The following ADGRL3 variants were observed in gnomAD, a reference collection of about 807,000 sequenced individuals.
ADGRL3 encodes the protein calcium-independent alpha-latrotoxin receptor 3.
A neutral mutation model predicts 153.5 loss-of-function variants in ADGRL3; 62 were observed. That is an observed-to-expected ratio of 0.40 (90% CI 0.33 to 0.50). The LOEUF (loss-of-function observed/expected upper bound fraction) is 0.50. Ranked by LOEUF, ADGRL3 falls within the 20% of genes least tolerant of loss-of-function variation. The pLI, the probability that ADGRL3 is intolerant of heterozygous loss-of-function variation, is 0.47. For synonymous variants in ADGRL3, 710 were observed against 672.5 expected (o/e 1.06, Z -0.86); for missense variants, 1,641 against 1,859.4 (o/e 0.88, Z 2.16).
chr4:61,756,762 T>G (rs2096837016), intron 8 of ADGRL3, among the ~76,000 whole-genome samples: 1 of 152,204 alleles, frequency 6.6e-6, no homozygotes, highest in Admixed American at 6.5e-5. Context: ...GGGTTTGTCA[T>G]AGATAGCTCT....
chr4:61,728,250 A>G lies in ADGRL3; in HGVS notation c.584-2372A>G, dbSNP rs191138669. The stretch of plus-strand genomic sequence containing the variant: ...TCATAATAATTTTCTCCAAAGCACA[A>G]CAGCCTAATAAATCTTCATTTTGAG... On this transcript the variant is annotated intron_variant, in intron 6 of 26. Transcript: ENST00000683033. 1.5e-3 allele frequency among the ~76,000 whole-genome samples: 226 copies of G among 152,192 alleles called. 1 individual carries two copies. The highest frequency in any genetic ancestry group is 5.2e-3 in the African/African-American group (215 of 41,570).
At chr4:61,453,479 A>G (rs952148829) in intron 2 of ADGRL3, among the ~76,000 whole-genome samples, 1 of 152,112 alleles carries the variant, frequency 6.6e-6, no homozygotes, top group South Asian at 2.1e-4. Context: ...CACCTCCTGT[A>G]GATAGCTGGG....
intron 8 of ADGRL3, among the ~76,000 whole-genome samples, chr4:61,791,373 G>T (rs1357221963): frequency 6.6e-6 from 1 of 152,204 alleles, no homozygotes; most frequent in Non-Finnish European, 1.5e-5. Flanking sequence ...AAATCTTAAA[G>T]CTCCAAAATG....
chr4:61,769,850 T>C (rs2152297041), intron 8 of ADGRL3, among the ~76,000 whole-genome samples: 1 of 152,006 alleles, frequency 6.6e-6, no homozygotes, highest in East Asian at 2.0e-4. Context: ...GGTAATGTCA[T>C]CAGTTAAGGC....
At chr4:61,495,991 G>A (rs1157409735) in intron 2 of ADGRL3, among the ~76,000 whole-genome samples, 1 of 152,000 alleles carries the variant, frequency 6.6e-6, no homozygotes, top group East Asian at 1.9e-4. Flanking sequence ...TGAAATTTCG[G>A]GCATAATAAT....
At chr4:61,717,462 TC>T (rs1350281423) in intron 6 of ADGRL3, among the ~76,000 whole-genome samples, 1 of 152,124 alleles carries the variant, frequency 6.6e-6, no homozygotes, top group African/African-American at 2.4e-5. Flanking sequence ...TCTTATAAAT[TC>T]CTAGCTCTAT....
At chr4:61,951,175 C>G (rs2098945795) in intron 17 of ADGRL3, among the ~76,000 whole-genome samples, 1 of 152,102 alleles carries the variant, frequency 6.6e-6, no homozygotes, top group Non-Finnish European at 1.5e-5. Context: ...TCCTACATGT[C>G]TAAATATTTA....
chr4:61,437,919 A>C (rs931277230), intron 2 of ADGRL3, among the ~76,000 whole-genome samples: 1 of 152,152 alleles, frequency 6.6e-6, no homozygotes, highest in Non-Finnish European at 1.5e-5. Context: ...CTGGACATTA[A>C]TGACACTTTT....
intron 4 of ADGRL3, among the ~76,000 whole-genome samples, chr4:61,533,870 T>C (rs917110258): frequency 1.3e-5 from 2 of 152,196 alleles, no homozygotes; most frequent in Non-Finnish European, 1.5e-5. Flanking sequence ...GAAAAAGTGC[T>C]ATATACTAGG....
intron 8 of ADGRL3, among the ~76,000 whole-genome samples, chr4:61,749,916 A>G (rs779512363): frequency 4.6e-5 from 7 of 152,074 alleles, no homozygotes; most frequent in Non-Finnish European, 1.0e-4. Context: ...TGAAAAATGG[A>G]ATTCAGGCAC....
intron 19 of ADGRL3, among the ~76,000 whole-genome samples, chr4:61,995,415 C>T (rs925208462): frequency 6.6e-6 from 1 of 151,916 alleles, no homozygotes; most frequent in African/African-American, 2.4e-5. Flanking sequence ...TATTTGAGTA[C>T]TTAGGATTTC....
intron 5 of ADGRL3, among the ~76,000 whole-genome samples, chr4:61,610,210 G>C (rs901254850): frequency 6.6e-6 from 1 of 151,454 alleles, no homozygotes; most frequent in Non-Finnish European, 1.5e-5. Flanking sequence ...TCTATGACAT[G>C]AACATTTAAT....
At chr4:61,556,365 A>G (rs1373028815) in intron 4 of ADGRL3, among the ~76,000 whole-genome samples, 4 of 152,156 alleles carry the variant, frequency 2.6e-5, no homozygotes, top group Non-Finnish European at 5.9e-5. Context: ...GTGAGACAGG[A>G]GTTTGAGGAA....
chr4:61,443,838 C>T, intron 2 of ADGRL3, among the ~76,000 whole-genome samples: 1 of 152,070 alleles, frequency 6.6e-6, no homozygotes, highest in East Asian at 1.9e-4. Flanking sequence ...AATTCCAATA[C>T]AAATTATGTG....
chr4:62,018,098 G>A (rs1443223557), intron 21 of ADGRL3, among the ~76,000 whole-genome samples: 3 of 152,154 alleles, frequency 2.0e-5, no homozygotes, highest in Admixed American at 6.5e-5. Context: ...GAGCAGTGCT[G>A]CAACATGTAC....
At chr4:61,515,406 A>AT in intron 3 of ADGRL3, among the ~76,000 whole-genome samples, 1 of 150,880 alleles carries the variant, frequency 6.6e-6, no homozygotes, top group Non-Finnish European at 1.5e-5. Flanking sequence ...TACTCTATTT[A>AT]TTTTTTCATA....
chr4:61,936,557 T>C (rs2098839213), intron 15 of ADGRL3, among the ~76,000 whole-genome samples: 1 of 152,090 alleles, frequency 6.6e-6, no homozygotes, highest in Non-Finnish European at 1.5e-5. Flanking sequence ...CTAAATTGAA[T>C]ACACTGAAAA....
intron 21 of ADGRL3, among the ~76,000 whole-genome samples, chr4:62,001,946 A>G (rs2099141911): frequency 6.6e-6 from 1 of 152,116 alleles, no homozygotes; most frequent in Non-Finnish European, 1.5e-5. Flanking sequence ...TCATTCAGTT[A>G]CCAAGTATTT....
At chr4:61,707,530 C>G (rs2095876231) in intron 6 of ADGRL3, among the ~76,000 whole-genome samples, 1 of 151,844 alleles carries the variant, frequency 6.6e-6, no homozygotes, top group African/African-American at 2.4e-5. Flanking sequence ...CTAGTTAGTT[C>G]ATATTATTTT....
Sources: gnomAD v4.1 joint callset for allele counts (sites outside exome capture counted in the v4.1 genomes callset) on GRCh38, gnomAD v4.1.1 for gene constraint, MANE v1.5 for transcripts, NCBI Gene and HGNC (gene_info 2026-07-23, HGNC 2026-07-21) for gene names.